Variants in ACSL6 observed in about 807,000 individuals in gnomAD.
ACSL6 encodes the protein long-chain-fatty-acid--CoA ligase 6.
In ACSL6, 47 loss-of-function variants were observed where a neutral mutation model predicts 98.2. The ratio of observed to expected loss-of-function variants is 0.48; its 90% CI spans 0.38 to 0.61. ACSL6 has a LOEUF of 0.61. Among genes scored for constraint, ACSL6 ranks in the 20% least tolerant of loss-of-function variants. The pLI is 0.00. For synonymous variants in ACSL6, 362 were observed against 336.9 expected, an observed-to-expected ratio of 1.07 and a Z score of -0.82; for missense variants, 761 against 913.4, an observed-to-expected ratio of 0.83 and a Z score of 2.15.
At chr5:131,970,511 G>A (rs772602982) in intron 14 of ACSL6, among the ~76,000 whole-genome samples, 10 of 151,222 alleles carry the variant, frequency 6.6e-5, no homozygotes, top group Non-Finnish European at 1.3e-4. Context: ...CTGGGTTCAC[G>A]CCATTCTCCC....
chr5:131,996,603 T>G (rs934374029), intron 1 of ACSL6, among the ~76,000 whole-genome samples: 4 of 152,226 alleles, frequency 2.6e-5, no homozygotes, highest in Admixed American at 1.3e-4. Flanking sequence ...CCTGGAAGGA[T>G]ACCTCATTAC....
At chr5:131,980,297 TCCA>T (rs1434433995) in intron 9 of ACSL6, among the ~76,000 whole-genome samples, 1 of 152,164 alleles carries the variant, frequency 6.6e-6, no homozygotes, top group Non-Finnish European at 1.5e-5. Context: ...CAATCCCATA[TCCA>T]CCAATTTTTA....
At position 131,990,871 on chromosome 5, in the gene ACSL6, G is replaced by T. The variant is rs566889219; in HGVS notation, c.367C>A (p.Arg123Ser). 1.9e-6 allele frequency: 3 copies of T among 1,612,422 alleles called. No individual in the cohort carries two copies. The highest frequency in any genetic ancestry group is 2.5e-6 in the Non-Finnish European group (3 of 1,179,538). ...TTCTCACCTGAGATGCTAAGCCCAC[G>T]GCGGAACACCTGGTACATGGTCCGG... ...DARTMYQVFR[R>S]GLSISGNGPC... The change falls in exon 3 of 21, where the codon CGT becomes AGT. Residue 123 changes from arginine to serine, a missense_variant. By Grantham distance (110) the Arg-to-Ser change is moderately radical (BLOSUM62 -1). Coordinates refer to ENST00000651883, the MANE Select transcript of ACSL6 (RefSeq NM_001009185.3).
chr5:131,970,222 C>T (rs1753229716), intron 14 of ACSL6, 22 bp from the exon 15 acceptor site: 2 of 1,612,602 alleles, frequency 1.2e-6, no homozygotes, highest in Admixed American at 3.3e-5. Flanking sequence ...ACACAGAAGC[C>T]ACACTATGGG....
chr5:131,955,416 G>A (rs1009016284), intron 20 of ACSL6, among the ~76,000 whole-genome samples: 1 of 152,128 alleles, frequency 6.6e-6, no homozygotes, highest in African/African-American at 2.4e-5. Flanking sequence ...TTCCTAATTT[G>A]TTGTTACAAA....
intron 1 of ACSL6, among the ~76,000 whole-genome samples, chr5:131,997,251 G>A (rs1402138381): frequency 6.6e-6 from 1 of 152,226 alleles, no homozygotes; most frequent in African/African-American, 2.4e-5. Context: ...CACAACAGCT[G>A]CAGGTACTCC....
intron 17 of ACSL6, among the ~76,000 whole-genome samples, chr5:131,965,923 G>A (rs991688950): frequency 1.3e-5 from 2 of 152,206 alleles, no homozygotes; most frequent in South Asian, 2.1e-4. Context: ...GCCACAGACG[G>A]GGATGAGGCT....
intron 1 of ACSL6, among the ~76,000 whole-genome samples, chr5:131,997,677 G>C (rs1442644840): frequency 6.6e-6 from 1 of 152,164 alleles, no homozygotes; most frequent in African/African-American, 2.4e-5. Flanking sequence ...TCCTACCTGG[G>C]GTGATGGAAG....
At chr5:131,967,401 C>T (rs1180160844) in intron 16 of ACSL6, among the ~76,000 whole-genome samples, 3 of 152,138 alleles carry the variant, frequency 2.0e-5, no homozygotes, top group African/African-American at 2.4e-5. Flanking sequence ...CGGTGGCTCA[C>T]GCCTGTAATC....
chr5:132,009,863 G>C (rs1013110259), intron 1 of ACSL6, among the ~76,000 whole-genome samples: 9 of 152,098 alleles, frequency 5.9e-5, no homozygotes, highest in Non-Finnish European at 1.2e-4. Context: ...AAGTGGTCTT[G>C]CAGCCCCTAG....
In ACSL6 at chr5:131,972,769, G is replaced by T; in HGVS notation, c.1293C>A (p.Ile431=). Reference sequence around the variant, plus strand: ...GTTCATCCCAGATACTATCATTCCTGATGATTCCACTCCGGACCTCGGCTT... The same window carrying T: ...GTTCATCCCAGATACTATCATTCCTTATGATTCCACTCCGGACCTCGGCTT... ...RKQAEVRSGI[I]RNDSIWDELF... The change falls in exon 13 of 21, where the codon ATC becomes ATA. Residue 431 remains isoleucine (I), a synonymous_variant. Transcript: ENST00000651883. 6.2e-7 allele frequency: 1 copy of T among 1,614,190 alleles called. No individual in the cohort carries two copies. Among genetic ancestry groups the T allele is most frequent in the Non-Finnish European group, 8.5e-7 (1 of 1,180,034 alleles).
At chr5:131,979,342 T>C (rs755192391) in intron 9 of ACSL6, among the ~76,000 whole-genome samples, 1 of 152,210 alleles carries the variant, frequency 6.6e-6, no homozygotes, top group Admixed American at 6.5e-5. Context: ...TACAGAGCTT[T>C]GGATTTGCAA....
At chr5:131,999,777 G>A (rs1005580866) in intron 1 of ACSL6, among the ~76,000 whole-genome samples, 8 of 152,196 alleles carry the variant, frequency 5.3e-5, no homozygotes, top group African/African-American at 1.7e-4. Flanking sequence ...GCTCAGATCA[G>A]CTCAGAGCCA....
chr5:131,961,109 C>T (rs887927287), intron 18 of ACSL6, among the ~76,000 whole-genome samples: 2 of 152,116 alleles, frequency 1.3e-5, no homozygotes, highest in Non-Finnish European at 2.9e-5. Context: ...ACTGCAGCCT[C>T]GACCTCCTGA....
chr5:131,967,668 T>TTAATAATAATAA lies in ACSL6; in HGVS notation c.1596+260_1596+271dup, dbSNP rs3043871. ...AGACAGAGCGAGACTCCGTCTCAAA[T>TTAATAATAATAA]TAATAATAATAATAATAATAATAAT... On this transcript the variant is annotated intron_variant, in intron 16 of 20. Transcript: ENST00000651883. 2.5e-3 allele frequency among the ~76,000 whole-genome samples: 356 copies of TTAATAATAATAA among 144,122 alleles called. 3 individuals are homozygous for TTAATAATAATAA. The highest frequency in any genetic ancestry group is 5.6e-3 in the Admixed American group (80 of 14,366). 94.5% of individuals were successfully genotyped at this position (144,122 alleles called of 152,430 possible). A position where few individuals can be genotyped will look rare whatever the true frequency, so the allele number is the denominator to read the frequency against.
At chr5:131,990,829 A>C (rs1754463421) in intron 3 of ACSL6, 24 bp downstream of exon 3, 7 of 1,554,168 alleles carry the variant, frequency 4.5e-6, no homozygotes, top group African/African-American at 1.4e-5. Context: ...GCCCCTCCAC[A>C]CCCCCCCCCA....
chr5:132,012,169 G>A, upstream of ACSL6: 2 of 460,960 alleles, frequency 4.3e-6, no homozygotes, highest in Non-Finnish European at 7.5e-6. Flanking sequence ...GCAGACATGG[G>A]GAGCCTCCGG....
chr5:131,993,742 T>G (rs955152114), intron 2 of ACSL6: 4 of 409,402 alleles, frequency 9.8e-6, no homozygotes, highest in Non-Finnish European at 1.4e-5. Context: ...GGCTTCCTAC[T>G]GCAATACCAA....
chr5:131,986,841 T>C lies in ACSL6; in HGVS notation c.845A>G (p.Glu282Gly), dbSNP rs866059193. The C allele has an allele frequency of 1.2e-6, 2 of 1,614,222 alleles. No homozygotes were observed. The highest frequency in any genetic ancestry group is 1.3e-5 in the African/African-American group (1 of 75,056). Residue 282 changes from glutamate to glycine, a missense_variant, in exon 8 of 21, where the codon GAG becomes GGG. Physicochemically the swap from Glu to Gly is moderately conservative, Grantham distance 98. Coordinates refer to ENST00000651883, the MANE Select transcript of ACSL6 (RefSeq NM_001009185.3). ...GCTTACCACAGGAGCCTGGTGATTC[T>C]CTTGGCCACAGTCCTGAAAGAAGAA... ...SMQAVEDCGQ[E>G]NHQAPVPPQP...
Sources: allele counts gnomAD v4.1 joint callset (sites outside exome capture counted in the v4.1 genomes callset), GRCh38; gene constraint gnomAD v4.1.1; transcripts MANE v1.5; gene names NCBI Gene and HGNC (gene_info 2026-07-23, HGNC 2026-07-21).